The following RGS6 variants were observed in gnomAD, a reference collection of about 807,000 sequenced individuals.
RGS6 encodes the protein regulator of G-protein signaling 6.
A neutral mutation model predicts 78.5 loss-of-function variants in RGS6; 30 were observed. The ratio of observed to expected loss-of-function variants is 0.38; its 90% confidence interval spans 0.29 to 0.52. The LOEUF is 0.52. RGS6 is among the 20% of genes least tolerant of loss of function. RGS6 has a pLI of 0.85. For missense variants in RGS6, 495 were observed against 609.7 expected, an observed-to-expected ratio of 0.81 and a Z score of 1.98; for synonymous variants, 206 against 206.0, an observed-to-expected ratio of 1.00 and a Z score of 0.00.
intron 2 of RGS6, among the ~76,000 whole-genome samples, chr14:72,087,158 TCTCA>T (rs751876899): frequency 6.6e-6 from 1 of 152,138 alleles, no homozygotes; most frequent in Non-Finnish European, 1.5e-5. Context: ...TGAGATGGAG[TCTCA>T]CTCTGTTGCT....
intron 2 of RGS6, among the ~76,000 whole-genome samples, chr14:72,044,065 C>A (rs112576927): frequency 2.9e-3 from 445 of 152,214 alleles, no homozygotes; most frequent in African/African-American, 0.01. Flanking sequence ...TTCTCTGATT[C>A]TTTCTTCAGC....
At position 72,126,427 on chromosome 14, in the gene RGS6, T is replaced by A. The variant is rs1170215455; in HGVS notation, c.84+161552T>A. Among the ~76,000 whole-genome samples the A allele has an allele frequency of 3.3e-5, 5 of 152,270 alleles. No homozygotes were observed. The East Asian group carries it at 9.6e-4, about 29-fold the overall frequency. On this transcript the variant is annotated intron_variant, in intron 2 of 17. Transcript: ENST00000553525. The stretch of plus-strand genomic sequence containing the variant: ...TCTAGCCACCACCTCCAGAGTACAG[T>A]AAATTGTAGACTTAGATTTGCTGTT...
At chr14:72,482,866 C>T (rs1220268836) in intron 12 of RGS6, among the ~76,000 whole-genome samples, 1 of 152,124 alleles carries the variant, frequency 6.6e-6, no homozygotes, top group African/African-American at 2.4e-5. Context: ...ACTGAACTAC[C>T]ACACCAGGAA....
At chr14:72,177,171 A>T (rs1487586076) in intron 2 of RGS6, among the ~76,000 whole-genome samples, 1 of 152,146 alleles carries the variant, frequency 6.6e-6, no homozygotes, top group African/African-American at 2.4e-5. Context: ...TGTTTTTTTC[A>T]AATGAAACTG....
intron 2 of RGS6, among the ~76,000 whole-genome samples, chr14:72,169,740 A>G (rs1038971383): frequency 3.3e-5 from 5 of 152,148 alleles, no homozygotes; most frequent in Admixed American, 2.6e-4. Context: ...ATGGGATGCT[A>G]GTGGAGGTGA....
intron 2 of RGS6, among the ~76,000 whole-genome samples, chr14:72,044,697 T>TA (rs2092694791): frequency 6.6e-6 from 1 of 151,850 alleles, no homozygotes; most frequent in Non-Finnish European, 1.5e-5. Context: ...ATGGTGAGAC[T>TA]CTGTCTCTAC....
intron 2 of RGS6, among the ~76,000 whole-genome samples, chr14:72,192,980 G>T (rs796701774): frequency 0.01 from 1,427 of 140,164 alleles, 20 homozygotes; most frequent in African/African-American, 0.035. Context: ...GCTGGGTTGG[G>T]TTTTTTTTTT....
intron 2 of RGS6, among the ~76,000 whole-genome samples, chr14:72,242,624 C>T (rs2053163120): frequency 6.6e-6 from 1 of 151,800 alleles, no homozygotes; most frequent in South Asian, 2.1e-4. Context: ...TAAGGGATGA[C>T]ACAGGAGGAG....
rs374563335 is a variant in RGS6 at position 71,951,002 on chromosome 14, T to C, written c.-20-13770T>C. 2.3e-4 allele frequency among the ~76,000 whole-genome samples: 35 copies of C among 152,304 alleles called. No homozygotes were observed. The South Asian group carries it at 6.6e-3, about 29-fold the overall frequency. On this transcript the variant is annotated intron_variant, in intron 1 of 17. Coordinates refer to ENST00000553525, the MANE Select transcript of RGS6 (RefSeq NM_001204424.2). The stretch of plus-strand genomic sequence containing the variant: ...ACCATTGTGGAAGACAGTGTGGTGA[T>C]TCCTCAAAGACCTAGAGGCAGAAAT...
At chr14:72,526,194 C>A (rs894660810) in intron 15 of RGS6, among the ~76,000 whole-genome samples, 1 of 151,894 alleles carries the variant, frequency 6.6e-6, no homozygotes, top group Non-Finnish European at 1.5e-5. Flanking sequence ...AGCTCTGCCT[C>A]CTGGGTTCAC....
the RGS6 span, among the ~76,000 whole-genome samples, chr14:71,880,834 G>A: frequency 6.6e-6 from 1 of 152,202 alleles, no homozygotes; most frequent in African/African-American, 2.4e-5. Context: ...TTGCCTAGTG[G>A]AGCTGTGAGA....
At chr14:72,539,730 C>T (rs1163743886) in intron 16 of RGS6, among the ~76,000 whole-genome samples, 1 of 152,210 alleles carries the variant, frequency 6.6e-6, no homozygotes, top group Non-Finnish European at 1.5e-5. Context: ...CGACTGTGGT[C>T]CTGCAGCAAA....
intron 3 of RGS6, among the ~76,000 whole-genome samples, chr14:72,408,475 C>A (rs1451289297): frequency 6.6e-6 from 1 of 152,154 alleles, no homozygotes; most frequent in African/African-American, 2.4e-5. Context: ...AATCACATCA[C>A]TTGACTTTAA....
At chr14:72,104,963 A>G (rs1334690028) in intron 2 of RGS6, among the ~76,000 whole-genome samples, 3 of 152,218 alleles carry the variant, frequency 2.0e-5, no homozygotes, top group Non-Finnish European at 2.9e-5. Flanking sequence ...TAAACACACA[A>G]ATATTTAAGA....
intron 2 of RGS6, among the ~76,000 whole-genome samples, chr14:72,057,870 GC>G (rs1020001097): frequency 6.6e-6 from 1 of 152,106 alleles, no homozygotes; most frequent in Non-Finnish European, 1.5e-5. Context: ...ATCTGGCTTG[GC>G]AATCAATGCC....
chr14:72,402,667 T>C (rs2092543285), intron 3 of RGS6, among the ~76,000 whole-genome samples: 1 of 152,194 alleles, frequency 6.6e-6, no homozygotes, highest in East Asian at 1.9e-4. Context: ...CGTAAGTTAG[T>C]ACAGCCACTA....
chr14:72,183,061 T>C (rs960042376), intron 2 of RGS6, among the ~76,000 whole-genome samples: 2 of 152,236 alleles, frequency 1.3e-5, no homozygotes, highest in South Asian at 2.1e-4. Context: ...CTTATGCAGA[T>C]GTGACTTTTG....
At chr14:72,127,607 TA>T (rs893573103) in intron 2 of RGS6, among the ~76,000 whole-genome samples, 9 of 151,846 alleles carry the variant, frequency 5.9e-5, no homozygotes, top group East Asian at 1.9e-4. Context: ...AACCAGGGCT[TA>T]AAAAAAACCA....
At chr14:72,446,751 G>A (rs1404282889) in intron 3 of RGS6, among the ~76,000 whole-genome samples, 4 of 152,196 alleles carry the variant, frequency 2.6e-5, no homozygotes, top group Admixed American at 2.0e-4. Context: ...CCTGGGGGGT[G>A]ATGGGAGACA....
Sources: gnomAD v4.1 joint callset for allele counts (sites outside exome capture counted in the v4.1 genomes callset) on GRCh38, gnomAD v4.1.1 for gene constraint, MANE v1.5 for transcripts, NCBI Gene and HGNC (gene_info 2026-07-23, HGNC 2026-07-21) for gene names.